RB1CC1: variants seen among roughly 807,000 people sequenced by gnomAD.
RB1CC1 encodes the protein RB1 inducible coiled-coil 1, also known as RB1-inducible coiled-coil protein 1.
In RB1CC1, 46 loss-of-function variants were observed where a neutral mutation model predicts 177.5. That is an observed-to-expected ratio of 0.26 (90% CI 0.20 to 0.33). The LOEUF is 0.33. RB1CC1 is among the 10% of genes least tolerant of loss of function. The pLI is 1.00. For synonymous variants in RB1CC1, 666 were observed against 613.6 expected, an observed-to-expected ratio of 1.09 and a Z score of -1.26; for missense variants, 1,703 against 1,816.3, an observed-to-expected ratio of 0.94 and a Z score of 1.13.
Position 52,645,746 on chromosome 8 carries a change from C to T in RB1CC1, c.3943G>A (p.Glu1315Lys). 6.2e-7 allele frequency: 1 copy of T among 1,612,752 alleles called. No individual in the cohort carries two copies. The stretch of plus-strand genomic sequence containing the variant: ...GATGTTCGAACATTTTGCATTTCTT[C>T]ATTCTTTCTTTTTTCTTGCTCTTCA... ...QLEEQEKRKN[E>K]EMQNVRTSLI... The change falls in exon 16 of 24, where the codon GAA becomes AAA. Residue 1315 changes from glutamate to lysine, a missense_variant. Around this residue, in one of 6 missense-constraint regions of RB1CC1, gnomAD observed 1,169 missense variants for 1,184.7 expected, o/e 0.99. Coordinates refer to ENST00000025008, the MANE Select transcript of RB1CC1 (RefSeq NM_014781.5).
chr8:52,628,496 C>T (rs912214350), intron 21 of RB1CC1, among the ~76,000 whole-genome samples: 77 of 152,216 alleles, frequency 5.1e-4, no homozygotes, highest in African/African-American at 1.8e-3. Context: ...TTTTTTTCTC[C>T]TAATCTTTCA....
chr8:52,662,290 T>G (rs1485853054), intron 8 of RB1CC1, among the ~76,000 whole-genome samples: 1 of 152,112 alleles, frequency 6.6e-6, no homozygotes, highest in Non-Finnish European at 1.5e-5. Context: ...CTTTATTATT[T>G]GGTAGAAAAA....
chr8:52,631,561 T>A (rs1161534338), intron 20 of RB1CC1, among the ~76,000 whole-genome samples: 1 of 152,200 alleles, frequency 6.6e-6, no homozygotes, highest in East Asian at 1.9e-4. Flanking sequence ...TTTCTATACA[T>A]CTCTGGAATG....
At chr8:52,684,811 C>A (rs545508231) in intron 3 of RB1CC1, among the ~76,000 whole-genome samples, 4 of 152,068 alleles carry the variant, frequency 2.6e-5, no homozygotes, top group South Asian at 2.1e-4. Context: ...TAGGTACTTA[C>A]AACAATGGAA....
chr8:52,633,113 T>C (rs1013091438), intron 20 of RB1CC1, among the ~76,000 whole-genome samples: 1 of 152,210 alleles, frequency 6.6e-6, no homozygotes, highest in African/African-American at 2.4e-5. Context: ...ATCTTACACA[T>C]ACTGGTTGAT....
chr8:52,705,282 G>A (rs2150707938), intron 1 of RB1CC1, among the ~76,000 whole-genome samples: 1 of 152,268 alleles, frequency 6.6e-6, no homozygotes, highest in East Asian at 1.9e-4. Context: ...ATTTCAAATT[G>A]GGGAGAAAGG....
chr8:52,626,732 C>T (rs923832439), intron 22 of RB1CC1, among the ~76,000 whole-genome samples: 3 of 152,102 alleles, frequency 2.0e-5, no homozygotes, highest in African/African-American at 7.2e-5. Context: ...TATAAGCTAT[C>T]TTCTCATTTT....
At chr8:52,684,103 G>T in intron 3 of RB1CC1, 90 bp from the exon 4 acceptor site, 4 of 1,382,384 alleles carry the variant, frequency 2.9e-6, no homozygotes, top group Non-Finnish European at 2.8e-6. Flanking sequence ...CACCTTAGAG[G>T]TTAATGAATT....
intron 1 of RB1CC1, among the ~76,000 whole-genome samples, chr8:52,711,857 T>C (rs1857088044): frequency 6.6e-6 from 1 of 152,186 alleles, no homozygotes; most frequent in African/African-American, 2.4e-5. Flanking sequence ...AGCCTTTCCA[T>C]TTACTGTTTC....
chr8:52,682,708 AAAC>A (rs1431107920), intron 5 of RB1CC1, among the ~76,000 whole-genome samples: 1 of 152,140 alleles, frequency 6.6e-6, no homozygotes, highest in African/African-American at 2.4e-5. Context: ...CAAATCAAAA[AAAC>A]AACTCTAAAA....
Position 52,636,075 on chromosome 8 carries a change from A to G in RB1CC1, c.4338-6T>C. 1.9e-6 allele frequency: 3 copies of G among 1,600,514 alleles called. No individual in the cohort carries two copies. The East Asian group carries it at 6.7e-5, about 36-fold the overall frequency. Reference sequence around the variant, plus strand: ...ACAACATATGAATATTTTCTCTAAAAGTGAGAATAATTGAGTTTCAGTTTG... The same window carrying G: ...ACAACATATGAATATTTTCTCTAAAGGTGAGAATAATTGAGTTTCAGTTTG... On this transcript the variant is annotated splice_region_variant and splice_polypyrimidine_tract_variant and intron_variant, in intron 18 of 23. Coordinates refer to ENST00000025008, the MANE Select transcript of RB1CC1 (RefSeq NM_014781.5).
chr8:52,695,614 A>T (rs1855327172), intron 1 of RB1CC1, among the ~76,000 whole-genome samples: 1 of 152,192 alleles, frequency 6.6e-6, no homozygotes, highest in African/African-American at 2.4e-5. Context: ...GCCATAATAA[A>T]AACTCTGGAC....
intron 12 of RB1CC1, among the ~76,000 whole-genome samples, chr8:52,659,388 C>T (rs1851400463): frequency 6.6e-6 from 1 of 151,942 alleles, no homozygotes; most frequent in African/African-American, 2.4e-5. Context: ...CCATGTAACA[C>T]TTTCTTATTT....
intron 16 of RB1CC1, among the ~76,000 whole-genome samples, chr8:52,644,268 GGAAA>G (rs1849815277): frequency 6.6e-6 from 1 of 151,944 alleles, no homozygotes; most frequent in Non-Finnish European, 1.5e-5. Flanking sequence ...TACACATCAT[GGAAA>G]ATTGGAAGGT....
At chr8:52,648,234 G>A (rs185280496) in intron 15 of RB1CC1, among the ~76,000 whole-genome samples, 1 of 152,258 alleles carries the variant, frequency 6.6e-6, no homozygotes, top group East Asian at 1.9e-4. Context: ...CACAGGTTAT[G>A]ACATGAAAAA....
intron 20 of RB1CC1, among the ~76,000 whole-genome samples, chr8:52,632,545 T>A (rs1030754440): frequency 6.6e-6 from 1 of 152,232 alleles, no homozygotes; most frequent in Non-Finnish European, 1.5e-5. Context: ...AAGTTTTTTA[T>A]ATATTACAAA....
chr8:52,667,711 G>A (rs1047267331), intron 8 of RB1CC1, among the ~76,000 whole-genome samples: 5 of 151,856 alleles, frequency 3.3e-5, no homozygotes, highest in South Asian at 2.1e-4. Context: ...CTTATCCTTC[G>A]TCCTATGGGG....
chr8:52,657,424 C>G lies in RB1CC1; in HGVS notation c.2405G>C (p.Arg802Thr). The change falls in exon 15 of 24, where the codon AGA becomes ACA. Residue 802 changes from arginine (R) to threonine (T), a missense_variant. Coordinates refer to ENST00000025008, the MANE Select transcript of RB1CC1 (RefSeq NM_014781.5). ...GAAGTGAGAGTCTTGGGCAACAACT[C>G]TACATCTTTCCAACTGGACATTCAG... ...TSLNVQLERCRVVAQDSHFSI... is the reference protein window; with the variant it reads ...TSLNVQLERCTVVAQDSHFSI... 6.2e-7 allele frequency: 1 copy of G among 1,613,832 alleles called. No individual in the cohort carries two copies. The highest frequency in any genetic ancestry group is 8.5e-7 in the Non-Finnish European group (1 of 1,179,996).
chr8:52,691,015 T>G (rs1369559134), intron 1 of RB1CC1, among the ~76,000 whole-genome samples: 2 of 152,246 alleles, frequency 1.3e-5, no homozygotes, highest in Non-Finnish European at 2.9e-5. Flanking sequence ...TTAACACTGA[T>G]GCACTATTAT....
Sources: gnomAD v4.1 joint callset for allele counts (sites outside exome capture counted in the v4.1 genomes callset) on GRCh38, gnomAD v4.1.1 for gene constraint, gnomAD v4.1.1 regional missense constraint, MANE v1.5 for transcripts, NCBI Gene and HGNC (gene_info 2026-07-23, HGNC 2026-07-21) for gene names.